The following TLR8 variants were observed in gnomAD, a reference collection of about 807,000 sequenced individuals.
TLR8 encodes the protein toll like receptor 8.
Under a neutral mutation model 18.5 loss-of-function variants are expected in TLR8, and 5 were observed. The observed-to-expected ratio is 0.27, with a 90% CI of 0.14 to 0.57. The LOEUF (loss-of-function observed/expected upper bound fraction) is 0.57. TLR8 is among the 20% of genes least tolerant of loss of function. The probability of loss-of-function intolerance (pLI) is 0.92; values close to 1 mark genes in which losing one functional copy is unlikely to be tolerated. For synonymous variants in TLR8, 299 were observed against 300.1 expected, an observed-to-expected ratio of 1.00 and a Z score of 0.04; for missense variants, 543 against 769.8, an observed-to-expected ratio of 0.71 and a Z score of 3.49.
At chrX:12,907,319 T>C in intron 1 of TLR8, among the ~76,000 whole-genome samples, 1 of 112,673 alleles carries the variant, frequency 8.9e-6, no homozygotes, top group South Asian at 3.6e-4. Context: ...TATTTTACAC[T>C]GTCAAGACAT....
At chrX:12,915,028 A>G (rs2043045399) in intron 1 of TLR8, among the ~76,000 whole-genome samples, 1 of 112,443 alleles carries the variant, frequency 8.9e-6, no homozygotes. Context: ...AATGATAAGT[A>G]TATGAGGTAA....
At chrX:12,917,591 A>C (rs1270797265) in intron 1 of TLR8, among the ~76,000 whole-genome samples, 1 of 112,321 alleles carries the variant, frequency 8.9e-6, no homozygotes, top group Non-Finnish European at 1.9e-5. Context: ...AGTTCTCTTA[A>C]TTACAACCCT....
chrX:12,910,174 T>G (rs1178504569), intron 1 of TLR8: 1 of 512,014 alleles, frequency 2.0e-6, no homozygotes, highest in Non-Finnish European at 3.0e-6. Context: ...TAACTGCGAA[T>G]GAATCAGAAT....
intron 1 of TLR8, 85 bp downstream of exon 1, chrX:12,906,794 G>A: frequency 1.1e-6 from 1 of 873,336 alleles, no homozygotes; most frequent in South Asian, 4.3e-5. Context: ...GGCAAATGGT[G>A]TGAGCCTAGA....
chrX:12,921,382 G>T lies in TLR8; in HGVS notation c.2342G>T (p.Gly781Val). Residue 781 changes from glycine (G) to valine (V), a missense_variant, in exon 2 of 2, where the codon GGA becomes GTA. Transcript: ENST00000218032. ...GNPFECTCDI[G>V]DFRRWMDEHL... ...CCCTTTGAATGCACCTGTGACATTG[G>T]AGATTTCCGAAGATGGATGGATGAA... 1 of 1,211,888 alleles carries T rather than the reference G, an allele frequency of 8.3e-7. No homozygotes were observed. The highest frequency in any genetic ancestry group is 1.1e-6 in the Non-Finnish European group (1 of 895,459).
In TLR8 at chrX:12,922,257, C is replaced by T; in HGVS notation, c.*91C>T. 1.9e-6 allele frequency: 2 copies of T among 1,075,076 alleles called. No individual in the cohort carries two copies. Among genetic ancestry groups the T allele is most frequent in the East Asian group, 3.0e-5 (1 of 32,940 alleles). 88.6% of individuals were successfully genotyped at this position (1,075,076 alleles called of 1,213,427 possible). On this transcript the variant is annotated 3_prime_UTR_variant, in exon 2 of 2. Coordinates refer to ENST00000218032, the MANE Select transcript of TLR8 (RefSeq NM_138636.5). ...ATCTATTGCTATGTAACAAATTATC[C>T]CAAAACTTAGTGGTTTAAAACAACA...
Position 12,920,872 on chromosome X carries a change from T to C in TLR8, c.1832T>C (p.Val611Ala), listed in dbSNP as rs1397130453. ...TATAACCTGGAAAGCAAGTCCCTGG[T>C]AGAATTAGTTTTCAGTGGCAATCGC... ...DKYNLESKSL[V>A]ELVFSGNRLD... The change falls in exon 2 of 2, where the codon GTA becomes GCA. Residue 611 changes from valine to alanine, a missense_variant. Transcript: ENST00000218032. 8.3e-7 allele frequency: 1 copy of C among 1,209,535 alleles called. No individual in the cohort carries two copies. Among genetic ancestry groups the C allele is most frequent in the African/African-American group, 1.7e-5 (1 of 57,249 alleles).
chrX:12,922,434 A>G lies in TLR8; in HGVS notation c.*268A>G. 3.0e-6 allele frequency: 1 copy of G among 329,834 alleles called. No homozygotes were observed. The highest frequency in any genetic ancestry group is 6.8e-5 in the South Asian group (1 of 14,656). 27.2% of individuals were successfully genotyped at this position (329,834 alleles called of 1,213,427 possible). On this transcript the variant is annotated 3_prime_UTR_variant, in exon 2 of 2. Coordinates refer to ENST00000218032, the MANE Select transcript of TLR8 (RefSeq NM_138636.5). Reference sequence around the variant, plus strand: ...ACTCATGTGGTTGTTTTCTGGATTCAATTCCTCCTGGGCTATTGGCCAAAG... The same window carrying G: ...ACTCATGTGGTTGTTTTCTGGATTCGATTCCTCCTGGGCTATTGGCCAAAG...
chrX:12,911,132 A>G (rs1355980327), intron 1 of TLR8, among the ~76,000 whole-genome samples: 1 of 111,389 alleles, frequency 9.0e-6, no homozygotes, highest in Non-Finnish European at 1.9e-5. Context: ...GGCAGCTTGA[A>G]CTTGTCTCAG....
intron 1 of TLR8, among the ~76,000 whole-genome samples, chrX:12,908,696 G>C (rs900774720): frequency 8.9e-6 from 1 of 112,668 alleles, no homozygotes; most frequent in Non-Finnish European, 1.9e-5. Context: ...TTGTTAAAAA[G>C]CACAGTCCGT....
intron 1 of TLR8, among the ~76,000 whole-genome samples, chrX:12,912,656 T>C (rs756160808): frequency 8.8e-5 from 10 of 113,253 alleles, no homozygotes; most frequent in Non-Finnish European, 1.9e-4. Flanking sequence ...TTATTTGGAA[T>C]TTGTCGACTC....
chrX:12,920,625 A>C lies in TLR8; in HGVS notation c.1585A>C (p.Ile529Leu). Residue 529 changes from isoleucine (I) to leucine (L), a missense_variant, in exon 2 of 2, where the codon ATT becomes CTT. This residue lies in a region of TLR8 where 185 missense variants were observed against 298.9 expected (regional missense o/e 0.62). Coordinates refer to ENST00000218032, the MANE Select transcript of TLR8 (RefSeq NM_138636.5). ...QVLSGTEFSA[I>L]PHVKYLDLTN... ...GTTAAGTGGAACTGAATTTTCAGCC[A>C]TTCCTCATGTCAAATATTTGGATTT... is the stretch of plus-strand genomic sequence containing the variant. 8.3e-7 allele frequency: 1 copy of C among 1,211,463 alleles called. No individual in the cohort carries two copies.
intron 1 of TLR8, among the ~76,000 whole-genome samples, chrX:12,918,050 A>G (rs2043067129): frequency 8.9e-6 from 1 of 112,190 alleles, no homozygotes; most frequent in African/African-American, 3.2e-5. Flanking sequence ...TAATAAGAGG[A>G]CCTACTGCGT....
At chrX:12,910,415 C>T in intron 1 of TLR8, 1 of 1,167,922 alleles carries the variant, frequency 8.6e-7, no homozygotes, top group Non-Finnish European at 1.1e-6. Context: ...AAAATAGCTC[C>T]TGCAGCCTGG....
chrX:12,918,359 T>C (rs2043069637), intron 1 of TLR8, among the ~76,000 whole-genome samples: 1 of 111,587 alleles, frequency 9.0e-6, no homozygotes, highest in Non-Finnish European at 1.9e-5. Context: ...AAGTGTCATG[T>C]CAGTAGGTTG....
intron 1 of TLR8, among the ~76,000 whole-genome samples, chrX:12,915,166 GC>G (rs1333730045): frequency 9.0e-6 from 1 of 110,683 alleles, no homozygotes; most frequent in African/African-American, 3.3e-5. Context: ...ACCTACTCTG[GC>G]CTTTTTTTCC....
At chrX:12,907,583 G>A (rs752536357) in intron 1 of TLR8, among the ~76,000 whole-genome samples, 10 of 112,000 alleles carry the variant, frequency 8.9e-5, no homozygotes, top group Non-Finnish European at 1.7e-4. Context: ...TTGGAGTGCA[G>A]TGGCGTGATC....
intron 1 of TLR8, among the ~76,000 whole-genome samples, chrX:12,912,889 T>C (rs1421699952): frequency 8.9e-6 from 1 of 112,001 alleles, no homozygotes; most frequent in Non-Finnish European, 1.9e-5. Context: ...TCCCCCTCAA[T>C]TCCTCTCTGC....
rs967894622 is a variant in TLR8 at position 12,922,018 on chromosome X, G to A, written c.2978G>A (p.Arg993Gln). ...CAGCATTCTCAGTATTTGAGGCTAC[G>A]GCAGCGGATCTGTAAGAGCTCCATC... ...VLQHSQYLRL[R>Q]QRICKSSILQ... The change falls in exon 2 of 2, where the codon CGG becomes CAG. Residue 993 changes from arginine to glutamine, a missense_variant. Around this residue, in one of 4 missense-constraint regions of TLR8, gnomAD observed 227 missense variants for 312.9 expected, o/e 0.73. Transcript: ENST00000218032. 2 of 1,209,961 alleles carry A rather than the reference G, an allele frequency of 1.7e-6. No homozygotes were observed. The highest frequency in any genetic ancestry group is 2.2e-6 in the Non-Finnish European group (2 of 895,259).
Sources: gnomAD v4.1 joint callset for allele counts (sites outside exome capture counted in the v4.1 genomes callset) on GRCh38, gnomAD v4.1.1 for gene constraint, gnomAD v4.1.1 regional missense constraint, MANE v1.5 for transcripts, NCBI Gene and HGNC (gene_info 2026-07-23, HGNC 2026-07-21) for gene names.